KIF15: variants seen among roughly 807,000 people sequenced by gnomAD.
KIF15 encodes kinesin family member 15, also known as kinesin-like protein KIF15.
A neutral mutation model predicts 190.6 loss-of-function variants in KIF15; 140 were observed. That is an observed-to-expected ratio of 0.73 (90% CI 0.64 to 0.84). The LOEUF (loss-of-function observed/expected upper bound fraction) is 0.84, where lower values mean the gene tolerates loss of function less well. Among genes scored for constraint, KIF15 ranks in the 40% least tolerant of loss-of-function variants. The pLI is 0.00. For synonymous variants in KIF15, 528 were observed against 551.3 expected (o/e 0.96, Z 0.59); for missense variants, 1,372 against 1,584.4 (o/e 0.87, Z 2.28).
At chr3:44,780,149 G>A (rs1706101162) in intron 4 of KIF15, among the ~76,000 whole-genome samples, 1 of 145,650 alleles carries the variant, frequency 6.9e-6, no homozygotes, top group African/African-American at 2.6e-5. Flanking sequence ...ATCCACAGCT[G>A]TGATTCTAGT....
intron 32 of KIF15, among the ~76,000 whole-genome samples, chr3:44,849,844 T>G (rs1409632162): frequency 6.6e-6 from 1 of 152,196 alleles, no homozygotes; most frequent in Non-Finnish European, 1.5e-5. Context: ...TTAATCAGTG[T>G]GCCTTAAATT....
rs1169242821 is a variant in KIF15, at chr3:44,861,998, C to T, written c.*59+9204C>T. The T allele has an allele frequency of 1.4e-6, 2 of 1,386,438 alleles. No homozygotes were observed. The highest frequency in any genetic ancestry group is 6.0e-5 in the East Asian group (2 of 33,416). 85.9% of individuals were successfully genotyped at this position (1,386,438 alleles called of 1,614,324 possible). ...TACCCTGACACCCCCGCGGAATTCCCTCCGCACCTCCAGGCGGGTGCGATG... is the reference window on the plus strand; with the variant it reads ...TACCCTGACACCCCCGCGGAATTCCTTCCGCACCTCCAGGCGGGTGCGATG... On this transcript the variant is annotated intron_variant and NMD_transcript_variant, in intron 6 of 6. Transcript: ENST00000422209.
intron 1 of KIF15, among the ~76,000 whole-genome samples, chr3:44,762,773 A>G (rs1241313813): frequency 1.3e-5 from 2 of 152,138 alleles, no homozygotes; most frequent in South Asian, 4.1e-4. Flanking sequence ...GGTCGATCAC[A>G]CCTAATCGGA....
chr3:44,807,042 C>T (rs1258906456), intron 16 of KIF15, among the ~76,000 whole-genome samples: 1 of 152,022 alleles, frequency 6.6e-6, no homozygotes, highest in Non-Finnish European at 1.5e-5. Context: ...CTGCGCTGGC[C>T]TCAAGTTCTT....
chr3:44,809,584 C>A (rs1271607630), intron 16 of KIF15, among the ~76,000 whole-genome samples: 1 of 151,968 alleles, frequency 6.6e-6, no homozygotes, highest in Non-Finnish European at 1.5e-5. Context: ...GTGGCTCACA[C>A]CTGTAATCTT....
chr3:44,836,232 T>A (rs935633497), intron 26 of KIF15, among the ~76,000 whole-genome samples: 6 of 152,122 alleles, frequency 3.9e-5, no homozygotes, highest in Non-Finnish European at 7.4e-5. Flanking sequence ...GGTGTACACC[T>A]GTAATCCCAA....
chr3:44,854,485 G>T (rs987974252), downstream of KIF15, among the ~76,000 whole-genome samples: 2 of 152,028 alleles, frequency 1.3e-5, no homozygotes, highest in East Asian at 3.8e-4. Flanking sequence ...TAGTAAATCC[G>T]TAAGGGCCAA....
At chr3:44,827,857 T>C (rs1697757222) in intron 23 of KIF15, among the ~76,000 whole-genome samples, 2 of 152,214 alleles carry the variant, frequency 1.3e-5, no homozygotes, top group South Asian at 4.1e-4. Context: ...TAAATTTTTG[T>C]ATTTTTTATA....
downstream of KIF15, among the ~76,000 whole-genome samples, chr3:44,853,782 T>A (rs1326823322): frequency 6.6e-6 from 1 of 152,194 alleles, no homozygotes; most frequent in Non-Finnish European, 1.5e-5. Context: ...TAATTACTAA[T>A]GCTATTGAAC....
At chr3:44,793,318 GA>G (rs1252440670) in intron 7 of KIF15, among the ~76,000 whole-genome samples, 1 of 151,930 alleles carries the variant, frequency 6.6e-6, no homozygotes, top group African/African-American at 2.4e-5. Flanking sequence ...GAATAGAAGG[GA>G]AAAAATACTT....
At chr3:44,801,211 GA>G (rs370906809) in intron 11 of KIF15, among the ~76,000 whole-genome samples, 5,129 of 144,876 alleles carry the variant, frequency 0.035, 312 homozygotes, top group African/African-American at 0.05. Context: ...GGGGCGGCGG[GA>G]GGGGGGGGTC....
chr3:44,779,924 G>T (rs1706087799), intron 4 of KIF15, among the ~76,000 whole-genome samples: 1 of 151,508 alleles, frequency 6.6e-6, no homozygotes, highest in Admixed American at 6.6e-5. Context: ...TTTTCTTCCA[G>T]AAGAAGGGGG....
At chr3:44,787,011 T>C (rs1477345451) in intron 7 of KIF15, among the ~76,000 whole-genome samples, 1 of 152,246 alleles carries the variant, frequency 6.6e-6, no homozygotes, top group African/African-American at 2.4e-5. Context: ...ATATTCTAGA[T>C]ATGTTTTTAT....
At chr3:44,821,349 C>G (rs985950694) in intron 20 of KIF15, among the ~76,000 whole-genome samples, 1 of 151,850 alleles carries the variant, frequency 6.6e-6, no homozygotes, top group Non-Finnish European at 1.5e-5. Flanking sequence ...GGGGCGGTGA[C>G]GCTCCTCACT....
At chr3:44,780,972 C>T (rs764749359) in intron 5 of KIF15, 50 bp downstream of exon 5, 1 of 1,287,656 alleles carries the variant, frequency 7.8e-7, no homozygotes. Context: ...TCTGTGATAA[C>T]AGTAACCTAC....
Position 44,851,942 on chromosome 3 carries a change from G to A in KIF15, c.3962G>A (p.Arg1321Lys), listed in dbSNP as rs1175091830. Residue 1321 changes from arginine to lysine, a missense_variant, in exon 33 of 35, where the codon AGA becomes AAA. Coordinates refer to ENST00000326047, the MANE Select transcript of KIF15 (RefSeq NM_020242.3). ...GAAGAAATGTATGAAGAAAGAGAGA[G>A]AACATCCCAGGTGTGCTAGTGTGTT... ...KLEEMYEERE[R>K]TSQEMEMLRK... 6.2e-7 allele frequency: 1 copy of A among 1,613,110 alleles called. No homozygotes were observed. Among genetic ancestry groups the A allele is most frequent in the Non-Finnish European group, 8.5e-7 (1 of 1,179,560 alleles).
At chr3:44,791,425 A>G (rs950098682) in intron 7 of KIF15, among the ~76,000 whole-genome samples, 2 of 152,174 alleles carry the variant, frequency 1.3e-5, no homozygotes, top group East Asian at 1.9e-4. Context: ...CTTTTTAACA[A>G]TTATTTTGGT....
chr3:44,844,347 A>C (rs578154318), intron 30 of KIF15, among the ~76,000 whole-genome samples: 1 of 152,370 alleles, frequency 6.6e-6, no homozygotes, highest in Non-Finnish European at 1.5e-5. Flanking sequence ...AGCGAAGCCC[A>C]GAATTCTGCA....
intron 20 of KIF15, among the ~76,000 whole-genome samples, chr3:44,824,854 G>T (rs1697557632): frequency 6.6e-6 from 1 of 152,130 alleles, no homozygotes; most frequent in South Asian, 2.1e-4. Flanking sequence ...CAATATCCCG[G>T]GCTCAAGCTG....
Sources: gnomAD v4.1 joint callset for allele counts (sites outside exome capture counted in the v4.1 genomes callset) on GRCh38, gnomAD v4.1.1 for gene constraint, MANE v1.5 for transcripts, NCBI Gene and HGNC (gene_info 2026-07-23, HGNC 2026-07-21) for gene names.